The following TBL1XR1 variants were observed in gnomAD, a reference collection of about 807,000 sequenced individuals.
TBL1XR1 encodes the protein TBL1X/Y related 1.
Under a neutral mutation model 66.9 loss-of-function variants are expected in TBL1XR1, and 5 were observed. That is an observed-to-expected ratio of 0.07 (90% CI 0.04 to 0.16). The LOEUF (loss-of-function observed/expected upper bound fraction) is 0.16, where lower values mean the gene tolerates loss of function less well. Among genes scored for constraint, TBL1XR1 ranks in the 10% least tolerant of loss-of-function variants. The pLI, the probability that TBL1XR1 is intolerant of heterozygous loss-of-function variation, is 1.00. For missense variants in TBL1XR1, 238 were observed against 623.2 expected (o/e 0.38, Z 6.58); for synonymous variants, 210 against 206.0 (o/e 1.02, Z -0.17).
At chr3:177,071,109 C>T (rs923583469) in intron 2 of TBL1XR1, among the ~76,000 whole-genome samples, 1 of 142,030 alleles carries the variant, frequency 7.0e-6, no homozygotes, top group Admixed American at 7.6e-5. Context: ...CGGCTCACTG[C>T]AAGCTCCGCC....
At chr3:177,188,758 T>C (rs1251412785) in intron 1 of TBL1XR1, among the ~76,000 whole-genome samples, 3 of 152,232 alleles carry the variant, frequency 2.0e-5, no homozygotes, top group Non-Finnish European at 4.4e-5. Context: ...CTGGGTACTC[T>C]ATGTTTACCA....
intron 2 of TBL1XR1, among the ~76,000 whole-genome samples, chr3:177,093,159 T>C (rs1723043189): frequency 6.6e-6 from 1 of 152,190 alleles, no homozygotes; most frequent in Non-Finnish European, 1.5e-5. Context: ...AACTCTTCTA[T>C]ACATCAACAG....
Position 177,021,647 on chromosome 3 carries a change from G to A in TBL1XR1, c.*3851C>T, listed in dbSNP as rs1712383787. ...TCCCTACCCTCCTTCCATCCCTGCT[G>A]ATTCAGGAGAAGGGGGAAAAAACAA... On this transcript the variant is annotated 3_prime_UTR_variant, in exon 16 of 16. Coordinates refer to ENST00000457928, the MANE Select transcript of TBL1XR1 (RefSeq NM_024665.7). The A allele has an allele frequency of 6.6e-6, 1 of 152,538 alleles. No homozygotes were observed. The highest frequency in any genetic ancestry group is 1.5e-5 in the Non-Finnish European group (1 of 67,982). 9.4% of individuals were successfully genotyped at this position (152,538 alleles called of 1,614,324 possible). A position where few individuals can be genotyped will look rare whatever the true frequency, so the allele number is the denominator to read the frequency against.
chr3:177,138,712 T>C (rs1018028363), intron 1 of TBL1XR1, among the ~76,000 whole-genome samples: 3 of 151,874 alleles, frequency 2.0e-5, no homozygotes, highest in East Asian at 1.9e-4. Flanking sequence ...AGACCTCTAA[T>C]GCTGAAAGAG....
chr3:177,084,065 G>T (rs533299943), intron 2 of TBL1XR1, among the ~76,000 whole-genome samples: 5 of 141,730 alleles, frequency 3.5e-5, no homozygotes, highest in African/African-American at 1.3e-4. Context: ...TCCAGCCTGG[G>T]AGACAGGGCG....
rs1335448691 is a variant in TBL1XR1, at chr3:177,019,640, A to C, written c.*5858T>G. 6.6e-6 allele frequency: 1 copy of C among 152,162 alleles called. No homozygotes were observed. Among genetic ancestry groups the C allele is most frequent in the Non-Finnish European group, 1.5e-5 (1 of 68,024 alleles). The allele number at this position is 152,162 out of a possible 1,614,324, so 9.4% of individuals were successfully genotyped here. ...TGGTAAAACAGTAAACTTTGATCTG[A>C]TCTGCTACGGATTATACTAGGTAAT... On this transcript the variant is annotated 3_prime_UTR_variant, in exon 16 of 16. Coordinates refer to ENST00000457928, the MANE Select transcript of TBL1XR1 (RefSeq NM_024665.7).
intron 1 of TBL1XR1, among the ~76,000 whole-genome samples, chr3:177,146,434 C>G (rs928528961): frequency 1.3e-5 from 2 of 151,168 alleles, no homozygotes. Context: ...CTACAGGCAT[C>G]CGTCACCATG....
chr3:177,102,618 CAT>C (rs1724365074), intron 1 of TBL1XR1, among the ~76,000 whole-genome samples: 1 of 152,196 alleles, frequency 6.6e-6, no homozygotes, highest in Non-Finnish European at 1.5e-5. Flanking sequence ...AAGTCCAAAA[CAT>C]GTGTGTCCCG....
At chr3:177,085,072 T>A (rs926633592) in intron 2 of TBL1XR1, among the ~76,000 whole-genome samples, 1 of 152,148 alleles carries the variant, frequency 6.6e-6, no homozygotes, top group African/African-American at 2.4e-5. Context: ...AAATCGAAAC[T>A]AAATCAGAAA....
intron 1 of TBL1XR1, among the ~76,000 whole-genome samples, chr3:177,122,775 A>T (rs184282330): frequency 1.2e-4 from 19 of 152,296 alleles, no homozygotes; most frequent in Admixed American, 1.1e-3. Context: ...GAAAAGACTC[A>T]TGATTAAATA....
intron 1 of TBL1XR1, among the ~76,000 whole-genome samples, chr3:177,176,875 G>A (rs183889712): frequency 2.0e-5 from 3 of 152,220 alleles, no homozygotes; most frequent in Middle Eastern, 6.8e-3. Flanking sequence ...AGCTACTGAC[G>A]AGGCTGAGGT....
chr3:177,071,551 A>T (rs1238485034), intron 2 of TBL1XR1, among the ~76,000 whole-genome samples: 1 of 152,218 alleles, frequency 6.6e-6, no homozygotes, highest in Non-Finnish European at 1.5e-5. Context: ...AAGATTGTTC[A>T]GGAAGCAGAA....
chr3:177,049,054 G>A (rs1407063625), intron 7 of TBL1XR1, among the ~76,000 whole-genome samples: 1 of 152,204 alleles, frequency 6.6e-6, no homozygotes, highest in Non-Finnish European at 1.5e-5. Flanking sequence ...TGGAGGGGAA[G>A]AGTAAATATG....
chr3:177,027,909 T>G (rs1445669407), intron 14 of TBL1XR1: 2 of 152,134 alleles, frequency 1.3e-5, no homozygotes, highest in Non-Finnish European at 2.9e-5. Flanking sequence ...ACCAACAAAA[T>G]CTAGTTTGCT....
At chr3:177,131,781 C>T (rs909026885) in intron 1 of TBL1XR1, among the ~76,000 whole-genome samples, 2 of 151,918 alleles carry the variant, frequency 1.3e-5, no homozygotes, top group Non-Finnish European at 2.9e-5. Flanking sequence ...GGATCACAGG[C>T]GTGAGCCACC....
chr3:177,036,383 CTT>C (rs910765455), intron 12 of TBL1XR1, among the ~76,000 whole-genome samples: 5 of 152,234 alleles, frequency 3.3e-5, no homozygotes, highest in Non-Finnish European at 5.9e-5. Context: ...GGCATTCCCT[CTT>C]CTCAGAAAAC....
chr3:177,045,733 GTATTAT>G (rs751168545), intron 10 of TBL1XR1, among the ~76,000 whole-genome samples: 6 of 151,730 alleles, frequency 4.0e-5, no homozygotes, highest in Admixed American at 1.3e-4. Context: ...TAACAAACAG[GTATTAT>G]TATTATTATT....
At chr3:177,033,373 C>A (rs1474081269) in intron 13 of TBL1XR1, among the ~76,000 whole-genome samples, 1 of 151,772 alleles carries the variant, frequency 6.6e-6, no homozygotes, top group South Asian at 2.1e-4. Context: ...GCTAAACAAG[C>A]GAAAAAAACA....
At chr3:177,073,480 TAACTCTAA>T (rs1413829591) in intron 2 of TBL1XR1, among the ~76,000 whole-genome samples, 4 of 152,222 alleles carry the variant, frequency 2.6e-5, no homozygotes, top group Non-Finnish European at 4.4e-5. Context: ...TGGCATCTAC[TAACTCTAA>T]AACATATTGG....
Sources: gnomAD v4.1 joint callset for allele counts (sites outside exome capture counted in the v4.1 genomes callset) on GRCh38, gnomAD v4.1.1 for gene constraint, MANE v1.5 for transcripts, NCBI Gene and HGNC (gene_info 2026-07-23, HGNC 2026-07-21) for gene names.